Variants in CAMK1D observed in about 807,000 individuals in gnomAD.
CAMK1D encodes calcium/calmodulin dependent protein kinase ID, also known as calcium/calmodulin-dependent protein kinase type 1D.
CAMK1D carries 9 observed loss-of-function variants against 47.7 expected under a neutral mutation model. The ratio of observed to expected loss-of-function variants is 0.19; its 90% CI spans 0.11 to 0.33. The LOEUF (loss-of-function observed/expected upper bound fraction) is 0.33, where lower values mean the gene tolerates loss of function less well. Ranked by LOEUF, CAMK1D falls within the 10% of genes least tolerant of loss-of-function variation. The pLI is 1.00. For missense variants in CAMK1D, 291 were observed against 488.7 expected (o/e 0.60, Z 3.81); for synonymous variants, 184 against 184.9 (o/e 0.99, Z 0.04).
intron 1 of CAMK1D, among the ~76,000 whole-genome samples, chr10:12,361,213 C>A (rs903916624): frequency 1.3e-5 from 2 of 149,408 alleles, no homozygotes; most frequent in African/African-American, 4.9e-5. Flanking sequence ...AGCTTCTTGA[C>A]AAATGGATAT....
intron 3 of CAMK1D, among the ~76,000 whole-genome samples, chr10:12,745,505 T>G (rs901978375): frequency 2.6e-5 from 4 of 152,254 alleles, no homozygotes; most frequent in South Asian, 2.1e-4. Context: ...AGCATCTCTA[T>G]CTAAGGTCAC....
intron 2 of CAMK1D, among the ~76,000 whole-genome samples, chr10:12,586,642 C>G (rs2132350413): frequency 6.6e-6 from 1 of 152,072 alleles, no homozygotes; most frequent in Non-Finnish European, 1.5e-5. Context: ...TTGCTGTGTC[C>G]CGAGCTGCAG....
At chr10:12,457,930 A>G (rs1352006241) in intron 1 of CAMK1D, among the ~76,000 whole-genome samples, 1 of 152,200 alleles carries the variant, frequency 6.6e-6, no homozygotes, top group African/African-American at 2.4e-5. Context: ...GATTGGGAAT[A>G]GGTGTCGGAA....
chr10:12,802,757 T>A (rs58862204), intron 6 of CAMK1D, among the ~76,000 whole-genome samples: 6,859 of 152,284 alleles, frequency 0.045, 558 homozygotes, highest in African/African-American at 0.16. Context: ...ACTGACCTCA[T>A]GATCCGTCCA....
chr10:12,800,591 G>A (rs1344367996), intron 6 of CAMK1D, among the ~76,000 whole-genome samples: 2 of 152,224 alleles, frequency 1.3e-5, no homozygotes, highest in African/African-American at 4.8e-5. Flanking sequence ...TTGGGCCTGG[G>A]TTGGCCTTGA....
intron 1 of CAMK1D, among the ~76,000 whole-genome samples, chr10:12,469,714 C>T (rs183497377): frequency 8.1e-4 from 124 of 152,278 alleles, no homozygotes; most frequent in Middle Eastern, 3.4e-3. Flanking sequence ...AAAATGTGCA[C>T]CTTCTGGAGA....
intron 1 of CAMK1D, among the ~76,000 whole-genome samples, chr10:12,495,344 G>T (rs1391642031): frequency 6.6e-6 from 1 of 152,206 alleles, no homozygotes; most frequent in East Asian, 1.9e-4. Flanking sequence ...CATAATGCAG[G>T]ATATAGTGAT....
intron 2 of CAMK1D, among the ~76,000 whole-genome samples, chr10:12,656,026 A>C (rs573917909): frequency 1.1e-4 from 17 of 152,268 alleles, no homozygotes; most frequent in South Asian, 4.1e-4. Context: ...AGATTCATTG[A>C]TTGTTAGAGT....
intron 2 of CAMK1D, among the ~76,000 whole-genome samples, chr10:12,646,383 C>T (rs1352501967): frequency 1.3e-5 from 2 of 152,000 alleles, no homozygotes; most frequent in Non-Finnish European, 2.9e-5. Flanking sequence ...AAATAGTAAA[C>T]GTTTTTTTCT....
At chr10:12,652,855 A>G (rs1055317001) in intron 2 of CAMK1D, among the ~76,000 whole-genome samples, 2 of 152,256 alleles carry the variant, frequency 1.3e-5, no homozygotes, top group Non-Finnish European at 2.9e-5. Context: ...TTTAAAAAAC[A>G]TCAACAAAGC....
intron 1 of CAMK1D, among the ~76,000 whole-genome samples, chr10:12,528,887 G>A (rs1307863220): frequency 1.3e-5 from 2 of 151,992 alleles, no homozygotes; most frequent in Non-Finnish European, 2.9e-5. Context: ...GACTACAGGT[G>A]CATGCCGTTA....
chr10:12,743,927 AC>A (rs1235124909), intron 3 of CAMK1D, among the ~76,000 whole-genome samples: 1 of 151,984 alleles, frequency 6.6e-6, no homozygotes, highest in East Asian at 1.9e-4. Flanking sequence ...AGAGGCTGAA[AC>A]AGGAGAATGG....
intron 3 of CAMK1D, among the ~76,000 whole-genome samples, chr10:12,721,552 C>A (rs1834379605): frequency 6.6e-6 from 1 of 152,150 alleles, no homozygotes; most frequent in African/African-American, 2.4e-5. Flanking sequence ...ATCTATCCAT[C>A]CATCCAAAAA....
At chr10:12,761,140 G>A (rs562658133) in intron 4 of CAMK1D, 54 bp downstream of exon 4, 20 of 1,587,940 alleles carry the variant, frequency 1.3e-5, no homozygotes, top group Non-Finnish European at 1.6e-5. Flanking sequence ...CGCAATGCAC[G>A]CGACCAAGAG....
intron 3 of CAMK1D, 105 bp downstream of exon 3, chr10:12,666,915 G>C: frequency 1.1e-6 from 1 of 906,088 alleles, no homozygotes; most frequent in Non-Finnish European, 1.8e-6. Context: ...AGGTAAGGCA[G>C]TAGGGAGCAG....
intron 1 of CAMK1D, among the ~76,000 whole-genome samples, chr10:12,514,140 G>T (rs1028397209): frequency 1.3e-5 from 2 of 152,188 alleles, no homozygotes; most frequent in South Asian, 2.1e-4. Context: ...GGAGTGCGGC[G>T]TGGCAGTGGT....
At chr10:12,547,900 G>A (rs758708509) in intron 1 of CAMK1D, among the ~76,000 whole-genome samples, 11 of 152,168 alleles carry the variant, frequency 7.2e-5, no homozygotes, top group Non-Finnish European at 1.6e-4. Context: ...AGCTTAAAGC[G>A]GGTCAATGCA....
intron 8 of CAMK1D, among the ~76,000 whole-genome samples, chr10:12,817,307 C>T (rs952283199): frequency 2.0e-5 from 3 of 152,188 alleles, no homozygotes; most frequent in South Asian, 2.1e-4. Flanking sequence ...GCATTACAAT[C>T]GGAATTTTAT....
chr10:12,730,668 A>G (rs1368949452), intron 3 of CAMK1D, among the ~76,000 whole-genome samples: 1 of 152,130 alleles, frequency 6.6e-6, no homozygotes. Flanking sequence ...CCCAGAAGGG[A>G]GACTGAGAAG....
Sources: allele counts gnomAD v4.1 joint callset (sites outside exome capture counted in the v4.1 genomes callset), GRCh38; gene constraint gnomAD v4.1.1; transcripts MANE v1.5; gene names NCBI Gene and HGNC (gene_info 2026-07-23, HGNC 2026-07-21).